TRIM37: variants seen among roughly 807,000 people sequenced by gnomAD.
TRIM37 encodes tripartite motif containing 37.
In TRIM37, 80 loss-of-function variants were observed where a neutral mutation model predicts 129.8. The ratio of observed to expected loss-of-function variants is 0.62; its 90% CI spans 0.51 to 0.74. TRIM37 has a LOEUF of 0.74. TRIM37 is among the 30% of genes least tolerant of loss of function. The pLI is 0.00. For synonymous variants in TRIM37, 389 were observed against 387.1 expected (o/e 1.00, Z -0.06); for missense variants, 1,054 against 1,176.5 (o/e 0.90, Z 1.52).
intron 16 of TRIM37, among the ~76,000 whole-genome samples, chr17:59,045,249 A>T (rs926098814): frequency 6.6e-6 from 1 of 151,978 alleles, no homozygotes; most frequent in Non-Finnish European, 1.5e-5. Flanking sequence ...GAATGGTGTG[A>T]ATCCAGAAGG....
chr17:59,043,544 G>C (rs1240083599), intron 16 of TRIM37, among the ~76,000 whole-genome samples: 3 of 152,134 alleles, frequency 2.0e-5, no homozygotes, highest in African/African-American at 7.2e-5. Context: ...ATATTCCTGG[G>C]AGTGGCAAGG....
At chr17:59,083,766 G>A (rs1014498746) in intron 5 of TRIM37, among the ~76,000 whole-genome samples, 1 of 152,118 alleles carries the variant, frequency 6.6e-6, no homozygotes, top group Non-Finnish European at 1.5e-5. Flanking sequence ...CAAATGAATA[G>A]AGGATATGTT....
intron 22 of TRIM37, among the ~76,000 whole-genome samples, chr17:59,002,259 G>A (rs1763277951): frequency 6.6e-6 from 1 of 151,924 alleles, no homozygotes; most frequent in African/African-American, 2.4e-5. Flanking sequence ...TGAGAGACAG[G>A]GTCTCGCTCT....
At chr17:59,083,622 A>T (rs574676301) in intron 5 of TRIM37, among the ~76,000 whole-genome samples, 1 of 152,302 alleles carries the variant, frequency 6.6e-6, no homozygotes, top group Non-Finnish European at 1.5e-5. Context: ...AGATAGGCGT[A>T]CTCATGTTGT....
intron 22 of TRIM37, among the ~76,000 whole-genome samples, chr17:59,001,945 T>G (rs987589208): frequency 1.3e-5 from 2 of 152,208 alleles, no homozygotes; most frequent in Non-Finnish European, 2.9e-5. Context: ...AAAATTGCCC[T>G]TTCCATAGTA....
chr17:59,070,363 T>C (rs112661856), intron 9 of TRIM37, among the ~76,000 whole-genome samples: 101 of 152,314 alleles, frequency 6.6e-4, no homozygotes, highest in Non-Finnish European at 1.2e-3. Context: ...TTAGGAGATA[T>C]AGTTCAATTC....
intron 10 of TRIM37, among the ~76,000 whole-genome samples, chr17:59,063,973 G>A (rs916300214): frequency 6.6e-6 from 1 of 151,948 alleles, no homozygotes; most frequent in African/African-American, 2.4e-5. Context: ...AGGAAACACA[G>A]TGAGACCCCA....
chr17:59,032,393 C>T (rs1026548698), intron 17 of TRIM37, among the ~76,000 whole-genome samples: 1 of 151,106 alleles, frequency 6.6e-6, no homozygotes, highest in Non-Finnish European at 1.5e-5. Flanking sequence ...GGCGCGGTGG[C>T]GGGCGCCTGT....
chr17:59,102,878 T>A (rs1222049466), intron 2 of TRIM37, among the ~76,000 whole-genome samples: 9 of 146,066 alleles, frequency 6.2e-5, no homozygotes, highest in Non-Finnish European at 9.1e-5. Context: ...GAAACAGAAA[T>A]TTTTTTTTTT....
chr17:59,040,971 G>A (rs368810390), intron 17 of TRIM37, among the ~76,000 whole-genome samples: 10 of 152,028 alleles, frequency 6.6e-5, no homozygotes, highest in South Asian at 2.1e-4. Context: ...GCGTGAACCC[G>A]GGAAGCGGAG....
intron 22 of TRIM37, among the ~76,000 whole-genome samples, chr17:59,012,100 T>C (rs150489466): frequency 1.3e-5 from 2 of 152,308 alleles, no homozygotes; most frequent in African/African-American, 4.8e-5. Context: ...ATTTGGTATC[T>C]TAGCAAATCA....
At chr17:58,974,539 GC>G in the TRIM37 span, among the ~76,000 whole-genome samples, 2 of 152,046 alleles carry the variant, frequency 1.3e-5, no homozygotes, top group African/African-American at 2.4e-5. Flanking sequence ...CTCACTTTGG[GC>G]CCTGGGTTTA....
chr17:59,031,744 T>G (rs968959428), intron 18 of TRIM37, 152 bp downstream of exon 18: 8 of 793,448 alleles, frequency 1.0e-5, no homozygotes, highest in Admixed American at 2.9e-5. Context: ...TAAAAACTAA[T>G]TTGGTTGACA....
chr17:59,025,182 T>C (rs2037094237), intron 19 of TRIM37, among the ~76,000 whole-genome samples: 3 of 152,092 alleles, frequency 2.0e-5, no homozygotes, highest in African/African-American at 7.2e-5. Flanking sequence ...ACATGTTTCA[T>C]TCATTTGGGG....
intron 22 of TRIM37, among the ~76,000 whole-genome samples, chr17:59,005,730 C>A (rs1478439259): frequency 2.0e-5 from 3 of 152,174 alleles, no homozygotes; most frequent in African/African-American, 4.8e-5. Context: ...GTTTACAGTA[C>A]TATGCAGAAT....
intron 10 of TRIM37, among the ~76,000 whole-genome samples, chr17:59,063,412 C>T (rs111269435): frequency 0.015 from 2,251 of 152,112 alleles, 39 homozygotes; most frequent in African/African-American, 0.032. Flanking sequence ...CTCCTGACCT[C>T]GATGATCCAC....
intron 20 of TRIM37, 40 bp downstream of exon 20, chr17:59,017,256 T>G (rs4932691): frequency 6.2e-7 from 1 of 1,609,074 alleles, no homozygotes; most frequent in Non-Finnish European, 8.5e-7. Flanking sequence ...TAATAAATAT[T>G]TACCCCACTA....
At chr17:59,104,163 C>A in intron 2 of TRIM37, 130 bp downstream of exon 2, 1 of 769,656 alleles carries the variant, frequency 1.3e-6, no homozygotes. Context: ...CTTAGTATTC[C>A]TCAACCCCAA....
Position 59,079,697 on chromosome 17 carries a change from TG to T in TRIM37, c.616+56del, listed in dbSNP as rs991823048. On this transcript the variant is annotated intron_variant, in intron 7 of 23. Coordinates refer to ENST00000262294, the MANE Select transcript of TRIM37 (RefSeq NM_015294.6). ...ATGATCACCCTTATTCTTCAAAGAC[TG>T]AATCTCAAAGAAGCTGAAAGCACCA... is the stretch of plus-strand genomic sequence containing the variant. The T allele has an allele frequency of 6.2e-6, 10 of 1,607,888 alleles. No individual in the cohort carries two copies. The African/African-American group carries it at 1.3e-4, about 22-fold the overall frequency.
Sources: allele counts gnomAD v4.1 joint callset (sites outside exome capture counted in the v4.1 genomes callset), GRCh38; gene constraint gnomAD v4.1.1; transcripts MANE v1.5; gene names NCBI Gene and HGNC (gene_info 2026-07-23, HGNC 2026-07-21).